HABP4: variants seen among roughly 807,000 people sequenced by gnomAD.
HABP4 encodes intracellular hyaluronan-binding protein 4.
Under a neutral mutation model 44.1 loss-of-function variants are expected in HABP4, and 32 were observed. The observed-to-expected ratio is 0.73, with a 90% CI of 0.55 to 0.97. The LOEUF (loss-of-function observed/expected upper bound fraction) is 0.97. Among genes scored for constraint, HABP4 ranks in the 50% least tolerant of loss-of-function variants. The pLI, the probability that HABP4 is intolerant of heterozygous loss-of-function variation, is 0.00. For missense variants in HABP4, 503 were observed against 561.9 expected (o/e 0.90, Z 1.06); for synonymous variants, 216 against 218.0 (o/e 0.99, Z 0.08).
At chr9:96,461,446 TAA>T (rs1832497592) in intron 2 of HABP4, among the ~76,000 whole-genome samples, 3 of 152,014 alleles carry the variant, frequency 2.0e-5, no homozygotes, top group African/African-American at 4.8e-5. Flanking sequence ...AGAGTTCAGT[TAA>T]GTTTATTTGG....
intron 5 of HABP4, among the ~76,000 whole-genome samples, chr9:96,472,014 C>T (rs1832706773): frequency 6.6e-6 from 1 of 152,084 alleles, no homozygotes; most frequent in African/African-American, 2.4e-5. Flanking sequence ...GTCTTGAACT[C>T]CCAACCTCAG....
Position 96,489,992 on chromosome 9 carries a change from T to C in HABP4, c.1196T>C (p.Val399Ala). Reference protein sequence around the residue: ...GPRAEVVMQDVAPNPDDPEDF... With the variant: ...GPRAEVVMQDAAPNPDDPEDF... ...TCTTTTTTTCTTTAGATGCAAGATG[T>C]TGCCCCCAACCCAGATGACCCGGAA... is the stretch of plus-strand genomic sequence containing the variant. Residue 399 changes from valine to alanine, a missense_variant, in exon 8 of 8, where the codon GTT becomes GCT. By Grantham distance (64) the Val-to-Ala change is moderately conservative (BLOSUM62 0). Transcript: ENST00000375249. The C allele has an allele frequency of 6.3e-7, 1 of 1,593,330 alleles. No homozygotes were observed. Among genetic ancestry groups the C allele is most frequent in the Non-Finnish European group, 8.6e-7 (1 of 1,161,068 alleles).
At chr9:96,457,048 T>G (rs1395580346) in intron 1 of HABP4, among the ~76,000 whole-genome samples, 1 of 151,828 alleles carries the variant, frequency 6.6e-6, no homozygotes, top group Non-Finnish European at 1.5e-5. Context: ...GCTTAAGATG[T>G]TTAAAGCATT....
chr9:96,468,256 A>ATT (rs768235429), intron 4 of HABP4, among the ~76,000 whole-genome samples: 8 of 122,798 alleles, frequency 6.5e-5, no homozygotes, highest in South Asian at 2.6e-4. Context: ...TACACCCAGC[A>ATT]TTTTTTTTTT....
intron 2 of HABP4, among the ~76,000 whole-genome samples, chr9:96,459,205 A>G (rs1832456958): frequency 1.3e-5 from 2 of 152,204 alleles, no homozygotes; most frequent in Non-Finnish European, 2.9e-5. Flanking sequence ...CTAGGGATAT[A>G]ATTATGGTTT....
chr9:96,450,387 G>A lies in HABP4; in HGVS notation c.108G>A (p.Ser36=), dbSNP rs763504938. Reference sequence around the variant, plus strand: ...TCCATCAGCTGCTGGACGACGAGTCGGACCCGTTCGACATCCTGCGCGAGG... The same window carrying A: ...TCCATCAGCTGCTGGACGACGAGTCAGACCCGTTCGACATCCTGCGCGAGG... ...NRFHQLLDDE[S]DPFDILREAE... is the part of the protein sequence containing the mutation. The change falls in exon 1 of 8, where the codon TCG becomes TCA. Residue 36 remains serine, a synonymous_variant. Coordinates refer to ENST00000375249, the MANE Select transcript of HABP4 (RefSeq NM_014282.4). The surrounding 1 kb of genome is among the most constrained non-coding windows in gnomAD (Gnocchi z 4.8). 5.0e-6 allele frequency: 7 copies of A among 1,398,652 alleles called. No homozygotes were observed. The African/African-American group carries it at 7.6e-5, about 15-fold the overall frequency. The allele number at this position is 1,398,652 out of a possible 1,614,324, so 86.6% of individuals were successfully genotyped here.
At position 96,465,701 on chromosome 9, in the gene HABP4, T is replaced by C. The variant is rs1832588852; in HGVS notation, c.675-9T>C. 6.3e-7 allele frequency: 1 copy of C among 1,581,036 alleles called. No individual in the cohort carries two copies. Among genetic ancestry groups the C allele is most frequent in the Non-Finnish European group, 8.7e-7 (1 of 1,149,878 alleles). On this transcript the variant is annotated splice_polypyrimidine_tract_variant and intron_variant, in intron 3 of 7. Coordinates refer to ENST00000375249, the MANE Select transcript of HABP4 (RefSeq NM_014282.4). ...TTCTGGTTTAAGGGACTATTCTTTC[T>C]TTCCGTAGAGCAGTCAGAACTGAAG...
chr9:96,484,884 T>G (rs34476861), intron 6 of HABP4, among the ~76,000 whole-genome samples: 35,304 of 152,102 alleles, frequency 0.23, 5,101 homozygotes, highest in African/African-American at 0.41. Context: ...ACTATGCGGG[T>G]ACTGTACACA....
intron 1 of HABP4, among the ~76,000 whole-genome samples, chr9:96,451,906 C>T (rs1310050511): frequency 6.6e-6 from 1 of 152,068 alleles, no homozygotes; most frequent in African/African-American, 2.4e-5. Context: ...TTGAGGAAGG[C>T]TAAGCTTTTC....
At chr9:96,454,959 T>A (rs185895080) in intron 1 of HABP4, among the ~76,000 whole-genome samples, 1,951 of 149,158 alleles carry the variant, frequency 0.013, 32 homozygotes, top group African/African-American at 0.044. Context: ...CAAAAAAAAA[T>A]TTTTTTTTTA....
rs772550267 is a variant in HABP4, at chr9:96,458,461, G to A, written c.432G>A (p.Glu144=). ...CGGAGGGGATGCTCGAAAGAGCTGA[G>A]CGGAGATCCTACAGGGAATACCGAC... The part of the protein sequence containing the change: ...RGPEGMLERA[E]RRSYREYRPY... Residue 144 remains glutamate, a synonymous_variant, in exon 2 of 8, where the codon GAG becomes GAA. Coordinates refer to ENST00000375249, the MANE Select transcript of HABP4 (RefSeq NM_014282.4). 6.2e-7 allele frequency: 1 copy of A among 1,613,380 alleles called. No homozygotes were observed. Among genetic ancestry groups the A allele is most frequent in the East Asian group, 2.2e-5 (1 of 44,876 alleles).
At position 96,450,488 on chromosome 9, in the gene HABP4, G is replaced by A. The variant is rs914069973; in HGVS notation, c.209G>A (p.Arg70His). ...EAAAAAGAGPRGGRSPAGASG... is the reference protein window; with the variant it reads ...EAAAAAGAGPHGGRSPAGASG... ...GCGGCGGCGGCCGGGGCCGGTCCCC[G>A]CGGCGGCAGGAGCCCAGCCGGGGCC... is the stretch of plus-strand genomic sequence containing the variant. The change falls in exon 1 of 8, where the codon CGC (arginine) becomes CAC (histidine). Residue 70 changes from arginine (R) to histidine (H), a missense_variant. Around this residue, in one of 3 missense-constraint regions of HABP4, gnomAD observed 290 missense variants for 300.5 expected, o/e 0.97. Transcript: ENST00000375249. The surrounding 1 kb of genome is among the most constrained non-coding windows in gnomAD (Gnocchi z 4.8). 5 of 1,213,312 alleles carry A rather than the reference G, an allele frequency of 4.1e-6. No homozygotes were observed. Among genetic ancestry groups the A allele is most frequent in the Non-Finnish European group, 4.1e-6 (4 of 975,264 alleles). 75.2% of individuals were successfully genotyped at this position (1,213,312 alleles called of 1,614,324 possible).
At chr9:96,458,628 T>C in intron 2 of HABP4, 87 bp downstream of exon 2, 1 of 445,510 alleles carries the variant, frequency 2.2e-6, no homozygotes, top group Non-Finnish European at 3.4e-6. Flanking sequence ...CTTTCTTTCT[T>C]TTTTTTTTTT....
At chr9:96,464,199 G>A (rs1832556782) in intron 2 of HABP4, among the ~76,000 whole-genome samples, 1 of 152,166 alleles carries the variant, frequency 6.6e-6, no homozygotes. Context: ...GGGCATGTGT[G>A]TGCCTGACTT....
chr9:96,452,791 T>A (rs1167242388), intron 1 of HABP4, among the ~76,000 whole-genome samples: 1 of 152,064 alleles, frequency 6.6e-6, no homozygotes, highest in Non-Finnish European at 1.5e-5. Context: ...AAATTTTTTA[T>A]CTAGTTAGAA....
At chr9:96,472,909 A>G (rs931033733) in intron 5 of HABP4, among the ~76,000 whole-genome samples, 5 of 152,158 alleles carry the variant, frequency 3.3e-5, no homozygotes, top group African/African-American at 1.2e-4. Flanking sequence ...TTGACCTCTC[A>G]GAAGCATTTG....
At chr9:96,472,500 C>T (rs371421420) in intron 5 of HABP4, among the ~76,000 whole-genome samples, 14 of 152,216 alleles carry the variant, frequency 9.2e-5, no homozygotes, top group Non-Finnish European at 1.8e-4. Flanking sequence ...GCCAAAGATA[C>T]AAGACTGCTA....
At chr9:96,462,930 A>G (rs552517638) in intron 2 of HABP4, among the ~76,000 whole-genome samples, 7 of 152,072 alleles carry the variant, frequency 4.6e-5, no homozygotes, top group Non-Finnish European at 1.0e-4. Flanking sequence ...TGAAAAAAAA[A>G]ATTACTGTTA....
intron 2 of HABP4, 71 bp from the exon 3 acceptor site, chr9:96,465,266 T>G (rs941050252): frequency 1.1e-6 from 1 of 948,886 alleles, no homozygotes; most frequent in African/African-American, 1.7e-5. Context: ...ATGATTTTCT[T>G]TTAGAATTTT....
Sources: gnomAD v4.1 joint callset for allele counts (sites outside exome capture counted in the v4.1 genomes callset) on GRCh38, gnomAD v4.1.1 for gene constraint, gnomAD v4.1.1 regional missense constraint, Gnocchi (gnomAD v3.1) non-coding constraint, MANE v1.5 for transcripts, NCBI Gene and HGNC (gene_info 2026-07-23, HGNC 2026-07-21) for gene names.